METAP1D: variants seen among roughly 807,000 people sequenced by gnomAD.
The protein encoded by METAP1D is methionyl aminopeptidase type 1D, mitochondrial.
METAP1D carries 31 observed loss-of-function variants against 40.5 expected under a neutral mutation model. The observed-to-expected ratio is 0.77, with a 90% CI of 0.58 to 1.03. The LOEUF is 1.03. METAP1D is among the 50% of genes least tolerant of loss of function. The pLI, the probability that METAP1D is intolerant of heterozygous loss-of-function variation, is 0.00. For missense variants in METAP1D, 411 were observed against 420.7 expected, an observed-to-expected ratio of 0.98 and a Z score of 0.20; for synonymous variants, 151 against 146.4, an observed-to-expected ratio of 1.03 and a Z score of -0.22.
chr2:172,003,916 C>G (rs1339656334), intron 1 of METAP1D, among the ~76,000 whole-genome samples: 1 of 152,036 alleles, frequency 6.6e-6, no homozygotes, highest in African/African-American at 2.4e-5. Context: ...AGGTGCCCAC[C>G]ACCACGCCTG....
chr2:172,066,169 C>A, intron 4 of METAP1D, 95 bp from the exon 5 acceptor site: 4 of 921,220 alleles, frequency 4.3e-6, no homozygotes, highest in Non-Finnish European at 5.1e-6. Flanking sequence ...CACTGCATCC[C>A]ATTGGGTTTG....
intron 8 of METAP1D, among the ~76,000 whole-genome samples, 195 bp downstream of exon 8, chr2:172,079,457 G>C (rs540783795): frequency 8.4e-4 from 128 of 152,344 alleles, no homozygotes; most frequent in South Asian, 1.7e-3. Flanking sequence ...GACACATTTA[G>C]GAGAAGGCAG....
At chr2:172,000,649 G>A (rs984772093) in intron 1 of METAP1D, among the ~76,000 whole-genome samples, 7 of 152,080 alleles carry the variant, frequency 4.6e-5, no homozygotes, top group African/African-American at 1.7e-4. Flanking sequence ...CGGGGGAAGA[G>A]GAAAACTATC....
intron 1 of METAP1D, among the ~76,000 whole-genome samples, chr2:172,023,175 CA>C (rs539718279): frequency 2.0e-5 from 3 of 151,992 alleles, no homozygotes; most frequent in Non-Finnish European, 4.4e-5. Context: ...GCAACAAAAG[CA>C]AAACTCCATC....
chr2:172,029,471 AG>A (rs1236487915), intron 1 of METAP1D, among the ~76,000 whole-genome samples: 3 of 152,232 alleles, frequency 2.0e-5, no homozygotes, highest in Admixed American at 6.5e-5. Flanking sequence ...TTTTGTGAAA[AG>A]ATATACCTAA....
chr2:172,056,491 C>T (rs1359061606), intron 1 of METAP1D, among the ~76,000 whole-genome samples: 1 of 152,166 alleles, frequency 6.6e-6, no homozygotes, highest in African/African-American at 2.4e-5. Context: ...GTTGATTTGC[C>T]TATGTCTGCC....
At chr2:172,069,625 C>T (rs1690373734) in intron 5 of METAP1D, among the ~76,000 whole-genome samples, 1 of 152,098 alleles carries the variant, frequency 6.6e-6, no homozygotes, top group African/African-American at 2.4e-5. Context: ...AAAATAAAAA[C>T]TCATACTTTC....
intron 1 of METAP1D, among the ~76,000 whole-genome samples, chr2:172,020,412 A>G (rs1364173850): frequency 6.6e-6 from 1 of 152,266 alleles, no homozygotes; most frequent in Non-Finnish European, 1.5e-5. Context: ...AAAAACAACA[A>G]CAAAAAAAGC....
intron 6 of METAP1D, among the ~76,000 whole-genome samples, chr2:172,076,555 C>A (rs747483685): frequency 7.9e-5 from 12 of 152,254 alleles, no homozygotes; most frequent in Non-Finnish European, 1.2e-4. Context: ...TATAGCTTAC[C>A]TATTTCTGCA....
intron 1 of METAP1D, among the ~76,000 whole-genome samples, chr2:172,042,158 CATGTGT>C (rs1689549641): frequency 1.6e-5 from 1 of 62,516 alleles, no homozygotes; most frequent in African/African-American, 5.8e-5. Context: ...TGTATGTGTA[CATGTGT>C]ACACATATAC....
rs1690731032 is a variant in METAP1D, at chr2:172,082,068, T to C, written c.*1662T>C. On this transcript the variant is annotated 3_prime_UTR_variant, in exon 10 of 10. Coordinates refer to ENST00000315796, the MANE Select transcript of METAP1D (RefSeq NM_199227.3). ...AAGGAGGGGTTGATGATTTACAAGG[T>C]CCATAGAAAAACTTTTTGTGTGGTC... 1 of 152,216 alleles carries C rather than the reference T, an allele frequency of 6.6e-6. No homozygotes were observed. The highest frequency in any genetic ancestry group is 1.5e-5 in the Non-Finnish European group (1 of 68,134). 9.4% of individuals were successfully genotyped at this position (152,216 alleles called of 1,614,324 possible). A position where few individuals can be genotyped will look rare whatever the true frequency, so the allele number is the denominator to read the frequency against.
At chr2:172,036,468 C>T (rs987398588) in intron 1 of METAP1D, among the ~76,000 whole-genome samples, 11 of 150,420 alleles carry the variant, frequency 7.3e-5, no homozygotes, top group Non-Finnish European at 3.0e-5. Context: ...CGGGTTCACG[C>T]CATTCTCCTG....
intron 1 of METAP1D, among the ~76,000 whole-genome samples, chr2:172,059,067 G>A (rs1048214871): frequency 2.6e-5 from 4 of 151,886 alleles, no homozygotes; most frequent in Non-Finnish European, 4.4e-5. Flanking sequence ...AGGTCGATAC[G>A]GGGCCCAAGA....
chr2:172,077,576 T>C (rs1480103424), intron 6 of METAP1D, among the ~76,000 whole-genome samples: 1 of 152,228 alleles, frequency 6.6e-6, no homozygotes, highest in Non-Finnish European at 1.5e-5. Flanking sequence ...GTTGGATAGA[T>C]ATGTACCTTC....
intron 1 of METAP1D, among the ~76,000 whole-genome samples, chr2:172,028,223 G>C (rs1234412489): frequency 6.6e-6 from 1 of 152,182 alleles, no homozygotes; most frequent in Non-Finnish European, 1.5e-5. Flanking sequence ...TTGAGCTGAG[G>C]CTCAAAGGCC....
intron 1 of METAP1D, among the ~76,000 whole-genome samples, chr2:172,000,551 C>T (rs1396860086): frequency 6.6e-6 from 1 of 152,150 alleles, no homozygotes; most frequent in African/African-American, 2.4e-5. Context: ...TATACAAATG[C>T]CTTTGCAGCA....
At chr2:172,063,263 G>C (rs140615103) in intron 2 of METAP1D, among the ~76,000 whole-genome samples, 1 of 152,258 alleles carries the variant, frequency 6.6e-6, no homozygotes, top group Admixed American at 6.5e-5. Flanking sequence ...TTTTACATAT[G>C]TTCATTTTGA....
chr2:172,061,572 A>G lies in METAP1D; in HGVS notation c.115A>G (p.Asn39Asp). 1 of 1,613,924 alleles carries G rather than the reference A, an allele frequency of 6.2e-7. No homozygotes were observed. The change falls in exon 2 of 10, where the codon AAT (asparagine) becomes GAT (aspartate). Residue 39 changes from asparagine (N) to aspartate (D), a missense_variant. Transcript: ENST00000315796. ...GCAGTCAAGCAGTCAACAAAGAAGA[A>G]ATTTCTTTTTTCGGAGACAAAGAGA... is the stretch of plus-strand genomic sequence containing the variant. ...HKQSSSQQRR[N>D]FFFRRQRDIS...
intron 5 of METAP1D, among the ~76,000 whole-genome samples, chr2:172,070,159 C>T (rs1690389607): frequency 6.6e-6 from 1 of 152,180 alleles, no homozygotes; most frequent in Non-Finnish European, 1.5e-5. Context: ...TGGTATCTTT[C>T]AAGATCCTAC....
Sources: gnomAD v4.1 joint callset for allele counts (sites outside exome capture counted in the v4.1 genomes callset) on GRCh38, gnomAD v4.1.1 for gene constraint, MANE v1.5 for transcripts, NCBI Gene and HGNC (gene_info 2026-07-23, HGNC 2026-07-21) for gene names.